DHX9: variants seen among roughly 807,000 people sequenced by gnomAD.
DHX9 encodes DExH-box helicase 9.
Under a neutral mutation model 148.7 loss-of-function variants are expected in DHX9, and 27 were observed. The ratio of observed to expected loss-of-function variants is 0.18; its 90% CI spans 0.13 to 0.25. The LOEUF (loss-of-function observed/expected upper bound fraction) is 0.25. Among genes scored for constraint, DHX9 ranks in the 10% least tolerant of loss-of-function variants. The pLI is 1.00. For synonymous variants in DHX9, 529 were observed against 516.6 expected, an observed-to-expected ratio of 1.02 and a Z score of -0.33; for missense variants, 796 against 1,559.6, an observed-to-expected ratio of 0.51 and a Z score of 8.25.
chr1:182,870,396 A>G (rs1288263288), intron 14 of DHX9, among the ~76,000 whole-genome samples: 1 of 152,244 alleles, frequency 6.6e-6, no homozygotes. Flanking sequence ...CTTGGTTTAC[A>G]GATAACAAGA....
chr1:182,883,826 C>T (rs1240268051), intron 26 of DHX9, among the ~76,000 whole-genome samples, 191 bp downstream of exon 26: 1 of 144,348 alleles, frequency 6.9e-6, no homozygotes, highest in Non-Finnish European at 1.5e-5. Flanking sequence ...ACTAGGCACA[C>T]CACCACTATG....
At chr1:182,844,540 G>T (rs116564106) in intron 3 of DHX9, among the ~76,000 whole-genome samples, 8,833 of 151,710 alleles carry the variant, frequency 0.058, 357 homozygotes, top group African/African-American at 0.12. Context: ...GGTTTTTTTT[G>T]TTTGTTTGTT....
intron 24 of DHX9, among the ~76,000 whole-genome samples, chr1:182,881,933 T>G (rs1243040793): frequency 6.6e-6 from 1 of 152,222 alleles, no homozygotes; most frequent in African/African-American, 2.4e-5. Context: ...TACAGATGAT[T>G]AAAGGACTTT....
intron 22 of DHX9, 76 bp from the exon 23 acceptor site, chr1:182,881,188 A>G (rs1649070410): frequency 2.1e-6 from 3 of 1,451,930 alleles, no homozygotes; most frequent in South Asian, 1.4e-5. Flanking sequence ...TGCAACCCAC[A>G]GTCGACAGTC....
Position 182,864,592 on chromosome 1 carries a change from A to T in DHX9, c.1333-1852A>T, listed in dbSNP as rs563257232. ...GGGATGAAAAACACTTGTATTTTAAATGTTTTTTGTTTAAGTCAAGGGCTA... is the reference window on the plus strand; with the variant it reads ...GGGATGAAAAACACTTGTATTTTAATTGTTTTTTGTTTAAGTCAAGGGCTA... On this transcript the variant is annotated intron_variant, in intron 12 of 27. Transcript: ENST00000367549. 1.3e-5 allele frequency among the ~76,000 whole-genome samples: 2 copies of T among 152,202 alleles called. 1 individual carries two copies. Among genetic ancestry groups the T allele is most frequent in the Non-Finnish European group, 2.9e-5 (2 of 68,028 alleles).
intron 12 of DHX9, among the ~76,000 whole-genome samples, chr1:182,863,835 C>CA (rs1440427135): frequency 6.6e-6 from 1 of 151,500 alleles, no homozygotes; most frequent in East Asian, 1.9e-4. Context: ...AAGAGTAATA[C>CA]ATACACCTTG....
intron 27 of DHX9, among the ~76,000 whole-genome samples, chr1:182,885,499 A>G (rs1199853592): frequency 1.3e-5 from 2 of 152,230 alleles, no homozygotes; most frequent in Non-Finnish European, 2.9e-5. Flanking sequence ...TTTTAAGAAC[A>G]TGGCCACAAT....
intron 19 of DHX9, 105 bp from the exon 20 acceptor site, chr1:182,877,916 G>T: frequency 8.0e-6 from 10 of 1,248,922 alleles, no homozygotes; most frequent in Non-Finnish European, 1.0e-5. Context: ...TCACAAGTAG[G>T]TATGGCTTTA....
At chr1:182,887,059 G>A (rs775875460) in intron 27 of DHX9, 24 bp from the exon 28 acceptor site, 4 of 1,598,460 alleles carry the variant, frequency 2.5e-6, no homozygotes, top group Non-Finnish European at 3.4e-6. Flanking sequence ...CTTTGCTAAA[G>A]TGATGGTTTT....
chr1:182,875,208 T>C (rs1557976933), intron 16 of DHX9: 3 of 505,518 alleles, frequency 5.9e-6, no homozygotes, highest in Admixed American at 4.5e-5. Context: ...ATGCGATGTT[T>C]AAAGGCCAGG....
intron 3 of DHX9, among the ~76,000 whole-genome samples, chr1:182,851,506 C>T (rs1472129314): frequency 6.6e-6 from 1 of 152,016 alleles, no homozygotes; most frequent in South Asian, 2.1e-4. Flanking sequence ...AAATTAATAG[C>T]GATAAAATCA....
At chr1:182,848,395 A>G (rs1436879758) in intron 3 of DHX9, among the ~76,000 whole-genome samples, 2 of 152,214 alleles carry the variant, frequency 1.3e-5, no homozygotes, top group Admixed American at 6.5e-5. Flanking sequence ...AACTCCTACA[A>G]CAAAGAATTA....
chr1:182,859,337 T>C (rs1668312921), intron 11 of DHX9, among the ~76,000 whole-genome samples: 1 of 152,204 alleles, frequency 6.6e-6, no homozygotes, highest in Admixed American at 6.5e-5. Flanking sequence ...AGTGGAGAGA[T>C]TTAAGGCAGT....
chr1:182,879,528 T>C, intron 21 of DHX9, 118 bp downstream of exon 21: 2 of 967,124 alleles, frequency 2.1e-6, no homozygotes, highest in Admixed American at 3.4e-5. Flanking sequence ...AGGGCTGTGA[T>C]AATAATAGTA....
intron 14 of DHX9, among the ~76,000 whole-genome samples, chr1:182,867,477 A>G (rs1026609634): frequency 6.6e-6 from 1 of 152,130 alleles, no homozygotes; most frequent in African/African-American, 2.4e-5. Context: ...ATCTCAGCTC[A>G]CAGCAACCTC....
rs144527432 is a variant in DHX9, at chr1:182,873,382, A to T, written c.1714+889A>T. On this transcript the variant is annotated intron_variant, in intron 15 of 27. Transcript: ENST00000367549. ...TGAAAATAAGAGAGAAACAGTGTAG[A>T]CAGATACGAAGTGATGTTATGGCTA... is the stretch of plus-strand genomic sequence containing the variant. Among the ~76,000 whole-genome samples, 14 of 152,338 alleles carry T rather than the reference A, an allele frequency of 9.2e-5. No individual in the cohort carries two copies. In the East Asian group the frequency reaches 2.7e-3, roughly 29 times the overall value.
intron 3 of DHX9, among the ~76,000 whole-genome samples, chr1:182,844,766 C>G (rs1382915539): frequency 6.6e-6 from 1 of 152,162 alleles, no homozygotes; most frequent in Admixed American, 6.5e-5. Context: ...AACTCCTGAC[C>G]TCGGCCTCCC....
At chr1:182,840,001 G>A (rs1323137216) in intron 1 of DHX9, 2 of 152,366 alleles carry the variant, frequency 1.3e-5, no homozygotes, top group Non-Finnish European at 2.9e-5. Flanking sequence ...GAAAAGCAGA[G>A]CCTGCAGAAG....
chr1:182,869,344 G>A (rs747966636), intron 14 of DHX9, among the ~76,000 whole-genome samples: 2 of 152,116 alleles, frequency 1.3e-5, no homozygotes, highest in Non-Finnish European at 2.9e-5. Context: ...GCCCGGTCTT[G>A]TCCAGTCCTG....
Sources: allele counts gnomAD v4.1 joint callset (sites outside exome capture counted in the v4.1 genomes callset), GRCh38; gene constraint gnomAD v4.1.1; transcripts MANE v1.5; gene names NCBI Gene and HGNC (gene_info 2026-07-23, HGNC 2026-07-21).